Variants in ERAP1 observed in about 807,000 individuals in gnomAD.
ERAP1 encodes the protein adipocyte-derived leucine aminopeptidase.
Under a neutral mutation model 103.7 loss-of-function variants are expected in ERAP1, and 86 were observed. The ratio of observed to expected loss-of-function variants is 0.83; its 90% CI spans 0.70 to 0.99. ERAP1 has a LOEUF of 0.99. ERAP1 is among the 50% of genes least tolerant of loss of function. ERAP1 has a pLI of 0.00. For synonymous variants in ERAP1, 398 were observed against 402.4 expected, an observed-to-expected ratio of 0.99 and a Z score of 0.13; for missense variants, 1,009 against 1,128.4, an observed-to-expected ratio of 0.89 and a Z score of 1.52.
chr5:96,896,965 T>TG, the ERAP1 span: 1 of 987,682 alleles, frequency 1.0e-6, no homozygotes, highest in Middle Eastern at 3.8e-4. Context: ...GTCAACCATA[T>TG]TTATTCTGCT....
the ERAP1 span, among the ~76,000 whole-genome samples, chr5:96,865,990 C>CT: frequency 1.3e-5 from 2 of 152,270 alleles, no homozygotes; most frequent in South Asian, 2.1e-4. Context: ...TACAAGATCG[C>CT]TTTTTTCATA....
chr5:96,858,012 G>A, the ERAP1 span, among the ~76,000 whole-genome samples: 1 of 152,168 alleles, frequency 6.6e-6, no homozygotes, highest in South Asian at 2.1e-4. Flanking sequence ...GGGTCATATA[G>A]CAAGGGCAGT....
At chr5:96,892,429 C>A in the ERAP1 span, 2 of 1,613,856 alleles carry the variant, frequency 1.2e-6, no homozygotes, top group African/African-American at 1.3e-5. Context: ...TCACCAGAGT[C>A]ATAGCCCATG....
chr5:96,917,219 G>A, the ERAP1 span, among the ~76,000 whole-genome samples: 4 of 142,432 alleles, frequency 2.8e-5, no homozygotes, highest in East Asian at 2.0e-4. Flanking sequence ...CAATCCTCCC[G>A]CCTCAGCCTT....
rs1039975038 is a variant in ERAP1 at position 96,783,292 on chromosome 5, A to G, written c.2101-57T>C. On this transcript the variant is annotated intron_variant, in intron 14 of 18. Coordinates refer to ENST00000443439, the MANE Select transcript of ERAP1 (RefSeq NM_001040458.3). ...GTATTGTCACAGGTCATTTCATGTT[A>G]ATATAATCCATTATGGTCTCAGATG... 9 of 1,509,892 alleles carry G rather than the reference A, an allele frequency of 6.0e-6. No individual in the cohort carries two copies. In the African/African-American group the frequency reaches 1.1e-4, roughly 19 times the overall value. 93.5% of individuals were successfully genotyped at this position (1,509,892 alleles called of 1,614,324 possible). A position where few individuals can be genotyped will look rare whatever the true frequency, so the allele number is the denominator to read the frequency against.
At chr5:96,908,699 G>A in the ERAP1 span, among the ~76,000 whole-genome samples, 1 of 152,168 alleles carries the variant, frequency 6.6e-6, no homozygotes, top group Non-Finnish European at 1.5e-5. Context: ...TAAAATATTA[G>A]GTCATTAATC....
chr5:96,933,211 C>CTTTTTTTTTTT, the ERAP1 span, among the ~76,000 whole-genome samples: 7 of 72,808 alleles, frequency 9.6e-5, no homozygotes, highest in Non-Finnish European at 1.7e-4. Flanking sequence ...AAAACCACGT[C>CTTTTTTTTTTT]TTTTTTTTTT....
chr5:96,828,348 C>CTAGATTGAG, the ERAP1 span, among the ~76,000 whole-genome samples: 1 of 152,056 alleles, frequency 6.6e-6, no homozygotes, highest in Non-Finnish European at 1.5e-5. Context: ...ATAAAAGATT[C>CTAGATTGAG]TAGATTGAGT....
the ERAP1 span, among the ~76,000 whole-genome samples, chr5:96,859,226 T>C: frequency 5.9e-5 from 9 of 152,094 alleles, no homozygotes; most frequent in Non-Finnish European, 1.3e-4. Context: ...GGAGTGTCCT[T>C]CTTGTCCATC....
At chr5:96,900,917 G>A in the ERAP1 span, among the ~76,000 whole-genome samples, 3 of 152,106 alleles carry the variant, frequency 2.0e-5, no homozygotes, top group East Asian at 3.9e-4. Context: ...CGCCCACCTT[G>A]GCCTCCCAAA....
chr5:96,830,531 G>A, the ERAP1 span, among the ~76,000 whole-genome samples: 1 of 152,168 alleles, frequency 6.6e-6, no homozygotes. Flanking sequence ...ACACTATAGA[G>A]CAGTAAAAAT....
At chr5:96,907,698 A>C in the ERAP1 span, among the ~76,000 whole-genome samples, 2 of 152,092 alleles carry the variant, frequency 1.3e-5, no homozygotes, top group African/African-American at 4.8e-5. Flanking sequence ...CCTGGCCAAC[A>C]TGGTGAAATC....
chr5:96,841,791 A>C, the ERAP1 span, among the ~76,000 whole-genome samples: 1 of 119,322 alleles, frequency 8.4e-6, no homozygotes, highest in African/African-American at 2.9e-5. Flanking sequence ...TTACTCTTAA[A>C]ATTTTTTTCA....
At chr5:96,793,671 C>A in intron 6 of ERAP1, 132 bp downstream of exon 6, 1 of 1,121,386 alleles carries the variant, frequency 8.9e-7, no homozygotes, top group Non-Finnish European at 1.3e-6. Flanking sequence ...GACATAAAAA[C>A]GAATGCTTTG....
At position 96,794,171 on chromosome 5, in the gene ERAP1, C is replaced by CCTT. The variant is rs1343552710; in HGVS notation, c.920-215_920-214insAAG. ...GCAAAGTCAGACTTGCATCTCAGGC[C>CCTT]TTTTTTTTTTTTTTTTTTTTTTTTT... On this transcript the variant is annotated intron_variant, in intron 5 of 18. Coordinates refer to ENST00000443439, the MANE Select transcript of ERAP1 (RefSeq NM_001040458.3). 2.4e-3 allele frequency among the ~76,000 whole-genome samples: 165 copies of CCTT among 68,740 alleles called. 2 individuals are homozygous for CCTT. Among genetic ancestry groups the CCTT allele is most frequent in the Admixed American group, 0.011 (54 of 4,824 alleles). 45.1% of individuals were successfully genotyped at this position (68,740 alleles called of 152,430 possible).
chr5:96,823,165 C>T, the ERAP1 span: 2 of 455,560 alleles, frequency 4.4e-6, no homozygotes, highest in African/African-American at 2.0e-5. Context: ...TTAGGGTGAG[C>T]CTTACAATCT....
At chr5:96,918,889 C>T in the ERAP1 span, 11 of 152,184 alleles carry the variant, frequency 7.2e-5, no homozygotes, top group Non-Finnish European at 1.5e-4. Flanking sequence ...AAACCCCCCA[C>T]CTCCTTCTTT....
the ERAP1 span, among the ~76,000 whole-genome samples, chr5:96,834,120 T>C: frequency 2.6e-5 from 4 of 152,234 alleles, no homozygotes; most frequent in African/African-American, 7.2e-5. Flanking sequence ...TCATCAGATA[T>C]TTAGTTCCTC....
chr5:96,763,504 C>T (rs1238557720), intron 19 of ERAP1, among the ~76,000 whole-genome samples: 1 of 152,184 alleles, frequency 6.6e-6, no homozygotes, highest in East Asian at 1.9e-4. Context: ...CTGATGAAGG[C>T]TATCAGTAAA....
Sources: gnomAD v4.1 joint callset for allele counts (sites outside exome capture counted in the v4.1 genomes callset) on GRCh38, gnomAD v4.1.1 for gene constraint, MANE v1.5 for transcripts, NCBI Gene and HGNC (gene_info 2026-07-23, HGNC 2026-07-21) for gene names.